The following ZNF671 variants were observed in gnomAD, a reference collection of about 807,000 sequenced individuals.
ZNF671 encodes the protein hypothetical protein FLJ23506.
In ZNF671, 19 loss-of-function variants were observed where a neutral mutation model predicts 16.6. The ratio of observed to expected loss-of-function variants is 1.14; its 90% CI spans 0.80 to 1.68. The LOEUF (loss-of-function observed/expected upper bound fraction) is 1.68, where lower values mean the gene tolerates loss of function less well. Among genes scored for constraint, ZNF671 ranks in the 40% most tolerant of loss-of-function variants. The pLI is 0.00. For missense variants in ZNF671, 637 were observed against 659.8 expected, an observed-to-expected ratio of 0.97 and a Z score of 0.38; for synonymous variants, 238 against 236.3, an observed-to-expected ratio of 1.01 and a Z score of -0.06.
At chr19:57,724,026 G>C (rs1985966981) in intron 1 of ZNF671, among the ~76,000 whole-genome samples, 1 of 140,502 alleles carries the variant, frequency 7.1e-6, no homozygotes, top group African/African-American at 2.8e-5. Flanking sequence ...TCTGGCGACA[G>C]AGTGAGACTC....
intron 1 of ZNF671, among the ~76,000 whole-genome samples, chr19:57,726,500 T>C (rs1337341872): frequency 6.6e-6 from 1 of 151,810 alleles, no homozygotes; most frequent in Admixed American, 6.6e-5. Flanking sequence ...CCTTCTCTTC[T>C]GGGGGGAGTC....
At chr19:57,721,843 G>T in intron 3 of ZNF671, 146 bp from the exon 4 acceptor site, 1 of 1,167,312 alleles carries the variant, frequency 8.6e-7, no homozygotes, top group Non-Finnish European at 1.2e-6. Context: ...GGAAGGAATG[G>T]CTTTGAGGTA....
chr19:57,724,619 A>G (rs1245173644), intron 1 of ZNF671, among the ~76,000 whole-genome samples: 3 of 151,320 alleles, frequency 2.0e-5, no homozygotes, highest in Admixed American at 6.6e-5. Context: ...TCCATCTCCC[A>G]GGTTCACACC....
In ZNF671 at chr19:57,727,502, C is replaced by G; in HGVS notation, c.27G>C (p.Ala9=). ...ACTTCCGTCCCTGCAGAGCATCAGA[C>G]GCGTCTCGGGACACTGGGGACAACA... is the stretch of plus-strand genomic sequence containing the variant. MLSPVSRD[A]SDALQGRKCL... is the part of the protein sequence containing the mutation. Residue 9 remains alanine, a synonymous_variant, in exon 1 of 4, where the codon GCG becomes GCC. Coordinates refer to ENST00000317398, the MANE Select transcript of ZNF671 (RefSeq NM_024833.3). The G allele has an allele frequency of 6.2e-7, 1 of 1,612,420 alleles. No individual in the cohort carries two copies. The highest frequency in any genetic ancestry group is 8.5e-7 in the Non-Finnish European group (1 of 1,179,032).
intron 2 of ZNF671, 123 bp downstream of exon 2, chr19:57,723,091 T>G: frequency 1.5e-6 from 2 of 1,327,244 alleles, no homozygotes; most frequent in Non-Finnish European, 2.1e-6. Flanking sequence ...GGGAGGACAC[T>G]CCATACAGCT....
In ZNF671 at chr19:57,720,524, G is replaced by A. The variant is rs1568466500; in HGVS notation, c.1562C>T (p.Thr521Ile). The A allele has an allele frequency of 6.2e-7, 1 of 1,614,210 alleles. No individual in the cohort carries two copies. Among genetic ancestry groups the A allele is most frequent in the Non-Finnish European group, 8.5e-7 (1 of 1,180,028 alleles). The stretch of plus-strand genomic sequence containing the variant: ...ATGAACCCTCTGGTGCAGAACAAGT[G>A]TCTGTTTCCGGATGAATTCTCTCCC... ...ECGREFIRKQ[T>I]LVLHQRVHAG... Residue 521 changes from threonine (T) to isoleucine (I), a missense_variant, in exon 4 of 4, where the codon ACA (threonine) becomes ATA (isoleucine). Thr to Ile is a moderately conservative substitution (Grantham distance 89). Coordinates refer to ENST00000317398, the MANE Select transcript of ZNF671 (RefSeq NM_024833.3).
chr19:57,721,140 TACACTC>T lies in ZNF671; in HGVS notation c.940_945del (p.Glu314_Cys315del). 6.2e-7 allele frequency: 1 copy of T among 1,614,210 alleles called. No individual in the cohort carries two copies. Among genetic ancestry groups the T allele is most frequent in the South Asian group, 1.1e-5 (1 of 91,080 alleles). On this transcript the variant is annotated inframe_deletion, in exon 4 of 4. Transcript: ENST00000317398. ...TGGCTGAAGAATTTCCCACATTCGT[TACACTC>T]ATAAGGCCTTTCTCCAGTGTGGATT... is the stretch of plus-strand genomic sequence containing the variant.
chr19:57,721,738 G>C (rs1329985065), intron 3 of ZNF671, 41 bp from the exon 4 acceptor site: 1 of 1,583,456 alleles, frequency 6.3e-7, no homozygotes, highest in Non-Finnish European at 8.6e-7. Context: ...ATATTTACGG[G>C]TGGGAAGGGG....
intron 2 of ZNF671, among the ~76,000 whole-genome samples, chr19:57,722,981 G>A (rs1195184125): frequency 6.6e-6 from 1 of 152,116 alleles, no homozygotes; most frequent in Non-Finnish European, 1.5e-5. Context: ...AGAGTCACCA[G>A]TACAGAAAGC....
At chr19:57,723,668 C>G (rs1233936797) in intron 1 of ZNF671, among the ~76,000 whole-genome samples, 1 of 151,860 alleles carries the variant, frequency 6.6e-6, no homozygotes, top group South Asian at 2.1e-4. Flanking sequence ...AGCTCACACT[C>G]CCTCCTCTCA....
rs760645385 is a variant in ZNF671 at position 57,722,435 on chromosome 19, A to G, written c.269T>C (p.Ile90Thr). ...GACTGCACGTGATCTGGAAAATGCA[A>G]TTCCTAAGGGAAAGTCAGAACAGGT... The part of the protein sequence containing the change: ...ENFALLASLG[I>T]AFSRSRAVMK... Residue 90 changes from isoleucine (I) to threonine (T), a missense_variant, in exon 3 of 4, where the codon ATT becomes ACT. By Grantham distance (89) the Ile-to-Thr change is moderately conservative. Transcript: ENST00000317398. 5.6e-6 allele frequency: 9 copies of G among 1,613,578 alleles called. No individual in the cohort carries two copies. Among genetic ancestry groups the G allele is most frequent in the East Asian group, 2.2e-5 (1 of 44,882 alleles).
chr19:57,727,311 T>C (rs923738507), intron 1 of ZNF671, 80 bp downstream of exon 1: 2 of 1,499,676 alleles, frequency 1.3e-6, no homozygotes, highest in South Asian at 1.3e-5. Context: ...GTCGCTGTCC[T>C]GGGACACAGG....
chr19:57,722,606 T>C (rs748053850), intron 2 of ZNF671, among the ~76,000 whole-genome samples, 168 bp from the exon 3 acceptor site: 2 of 152,142 alleles, frequency 1.3e-5, no homozygotes, highest in Admixed American at 6.5e-5. Context: ...GGTCAGGCCC[T>C]AGAAGATGTC....
chr19:57,726,906 AC>A (rs1986065733), intron 1 of ZNF671: 1 of 154,858 alleles, frequency 6.5e-6, no homozygotes. Context: ...CTACCCACTC[AC>A]CTGCCATTAC....
rs542539181 is a variant in ZNF671 at position 57,723,827 on chromosome 19, G to A, written c.139-487C>T. 5.4e-5 allele frequency among the ~76,000 whole-genome samples: 8 copies of A among 147,958 alleles called. 1 individual carries two copies. In the East Asian group the frequency reaches 6.0e-4, roughly 11 times the overall value. On this transcript the variant is annotated intron_variant, in intron 1 of 3. Coordinates refer to ENST00000317398, the MANE Select transcript of ZNF671 (RefSeq NM_024833.3). ...AGGCAGATCACGAGGTCAAGAGAGC[G>A]AGACTATCCTGGCCAACATGGTGAA...
Position 57,720,952 on chromosome 19 carries a change from A to T in ZNF671, c.1134T>A (p.Phe378Leu), listed in dbSNP as rs1985841496. ...LYQCGKCGKF[F>L]SSKSNLIRHQ... ...GTCGAATGAGATTAGACTTACTGCT[A>T]AAAAATTTCCCACATTTGCCACACT... Residue 378 changes from phenylalanine to leucine, a missense_variant, in exon 4 of 4, where the codon TTT (phenylalanine) becomes TTA (leucine). Physicochemically the swap from Phe to Leu is conservative, Grantham distance 22. Coordinates refer to ENST00000317398, the MANE Select transcript of ZNF671 (RefSeq NM_024833.3). The T allele has an allele frequency of 6.2e-7, 1 of 1,614,066 alleles. No individual in the cohort carries two copies. Among genetic ancestry groups the T allele is most frequent in the Non-Finnish European group, 8.5e-7 (1 of 1,180,002 alleles).
Position 57,720,394 on chromosome 19 carries a change from G to T in ZNF671, c.*87C>A. ...TCCAGGGGAAGGCTTTCCTGCATCTGCTGCACTCATTAACTACTGCTAGTT... is the reference window on the plus strand; with the variant it reads ...TCCAGGGGAAGGCTTTCCTGCATCTTCTGCACTCATTAACTACTGCTAGTT... On this transcript the variant is annotated 3_prime_UTR_variant, in exon 4 of 4. Coordinates refer to ENST00000317398, the MANE Select transcript of ZNF671 (RefSeq NM_024833.3). 5 of 1,518,670 alleles carry T rather than the reference G, an allele frequency of 3.3e-6. No individual in the cohort carries two copies. The Admixed American group carries it at 9.7e-5, about 30-fold the overall frequency. The allele number at this position is 1,518,670 out of a possible 1,614,324, so 94.1% of individuals were successfully genotyped here.
chr19:57,723,845 A>G (rs1346115190), intron 1 of ZNF671, among the ~76,000 whole-genome samples: 2 of 147,484 alleles, frequency 1.4e-5, no homozygotes, highest in Non-Finnish European at 3.0e-5. Context: ...CCTGGCCAAC[A>G]TGGTGAAACC....
chr19:57,722,321 C>G lies in ZNF671; in HGVS notation c.383G>C (p.Arg128Thr), dbSNP rs776831273. Residue 128 changes from arginine (R) to threonine (T), a missense_variant, in exon 3 of 4, where the codon AGA becomes ACA. Arg to Thr is a moderately conservative substitution (Grantham distance 71, BLOSUM62 -1). Coordinates refer to ENST00000317398, the MANE Select transcript of ZNF671 (RefSeq NM_024833.3). Reference protein sequence around the residue: ...ATEREAQRGLRPGCWHGVEDE... With the variant: ...ATEREAQRGLTPGCWHGVEDE... ...CTTCCCCGATGTCCACTCACCAGGT[C>G]TAAGTCCCCTCTGGGCCTCTCTTTC... 2.5e-6 allele frequency: 4 copies of G among 1,613,988 alleles called. No homozygotes were observed. In the African/African-American group the frequency reaches 4.0e-5, roughly 16 times the overall value.
Sources: allele counts gnomAD v4.1 joint callset (sites outside exome capture counted in the v4.1 genomes callset), GRCh38; gene constraint gnomAD v4.1.1; transcripts MANE v1.5; gene names NCBI Gene and HGNC (gene_info 2026-07-23, HGNC 2026-07-21).